The following MBOAT1 variants were observed in gnomAD, a reference collection of about 807,000 sequenced individuals.
The protein encoded by MBOAT1 is membrane bound glycerophospholipid O-acyltransferase 1.
MBOAT1 carries 67 observed loss-of-function variants against 64.4 expected under a neutral mutation model. That is an observed-to-expected ratio of 1.04 (90% confidence interval 0.85 to 1.27). The LOEUF (loss-of-function observed/expected upper bound fraction) is 1.27, where lower values mean the gene tolerates loss of function less well. Among genes scored for constraint, MBOAT1 ranks in the 50% most tolerant of loss-of-function variants. The pLI is 0.00. For missense variants in MBOAT1, 563 were observed against 604.6 expected, an observed-to-expected ratio of 0.93 and a Z score of 0.72; for synonymous variants, 229 against 218.9, an observed-to-expected ratio of 1.05 and a Z score of -0.41.
intron 1 of MBOAT1, among the ~76,000 whole-genome samples, chr6:20,204,088 G>A (rs542380168): frequency 2.0e-5 from 3 of 152,180 alleles, no homozygotes; most frequent in Admixed American, 1.3e-4. Flanking sequence ...CTTTGATAAT[G>A]ATCACTACCC....
At chr6:20,205,914 T>A (rs549606652) in intron 1 of MBOAT1, among the ~76,000 whole-genome samples, 48 of 152,214 alleles carry the variant, frequency 3.2e-4, no homozygotes, top group African/African-American at 1.1e-3. Context: ...CCACCCTACC[T>A]GCCCAGACCC....
At chr6:20,184,794 A>C (rs1000875260) in intron 1 of MBOAT1, among the ~76,000 whole-genome samples, 95 of 152,108 alleles carry the variant, frequency 6.2e-4, no homozygotes, top group African/African-American at 2.2e-3. Context: ...ACCCCTGAGC[A>C]CATACACATG....
chr6:20,102,232 ATCTCATC>A lies in MBOAT1; in HGVS notation c.*47_*53del. On this transcript the variant is annotated 3_prime_UTR_variant, in exon 13 of 13. Coordinates refer to ENST00000324607, the MANE Select transcript of MBOAT1 (RefSeq NM_001080480.3). ...CCGGAGGAGCCCTTGAAGCCTTGTC[ATCTCATC>A]TTTCGAACGTTCTGCAGTTTTGCTT... is the stretch of plus-strand genomic sequence containing the variant. 1 of 1,589,318 alleles carries A rather than the reference ATCTCATC, an allele frequency of 6.3e-7. No individual in the cohort carries two copies. The highest frequency in any genetic ancestry group is 8.6e-7 in the Non-Finnish European group (1 of 1,167,886).
intron 1 of MBOAT1, 107 bp downstream of exon 1, chr6:20,212,029 T>C: frequency 1.1e-6 from 1 of 902,660 alleles, no homozygotes; most frequent in Non-Finnish European, 1.7e-6. Flanking sequence ...AGTGTGTGGC[T>C]GTAAAATACG....
intron 3 of MBOAT1, among the ~76,000 whole-genome samples, chr6:20,145,439 T>C (rs1329030178): frequency 2.0e-5 from 3 of 152,148 alleles, no homozygotes; most frequent in African/African-American, 7.2e-5. Context: ...TTAACACCCA[T>C]CTCCCTGACC....
chr6:20,102,759 C>A (rs1581389458), intron 12 of MBOAT1, among the ~76,000 whole-genome samples: 1 of 152,318 alleles, frequency 6.6e-6, no homozygotes, highest in South Asian at 2.1e-4. Context: ...AGACCAAATT[C>A]AAACCCAATA....
At chr6:20,133,866 T>C (rs1016089456) in intron 4 of MBOAT1, among the ~76,000 whole-genome samples, 4 of 152,046 alleles carry the variant, frequency 2.6e-5, no homozygotes, top group Non-Finnish European at 5.9e-5. Context: ...GCTGTGGGAG[T>C]GAGCTGGCCC....
chr6:20,160,965 A>C (rs1036448994), intron 1 of MBOAT1, among the ~76,000 whole-genome samples: 6 of 152,028 alleles, frequency 3.9e-5, no homozygotes, highest in African/African-American at 1.4e-4. Context: ...TGCCCAAAAG[A>C]CCTCTAATTC....
chr6:20,199,157 G>T (rs1763048836), intron 1 of MBOAT1, among the ~76,000 whole-genome samples: 1 of 152,150 alleles, frequency 6.6e-6, no homozygotes, highest in Non-Finnish European at 1.5e-5. Context: ...GGCTGTGCTG[G>T]AGTCTCACAG....
intron 1 of MBOAT1, among the ~76,000 whole-genome samples, chr6:20,184,638 G>C (rs1248618484): frequency 1.3e-5 from 2 of 152,058 alleles, no homozygotes; most frequent in Non-Finnish European, 2.9e-5. Context: ...AAATCCAGCT[G>C]TGTCTGTCCC....
chr6:20,152,341 AAAAATAAAT>A, intron 2 of MBOAT1, among the ~76,000 whole-genome samples: 1 of 14,880 alleles, frequency 6.7e-5, no homozygotes, highest in African/African-American at 1.5e-4. Context: ...AAAAAAAATA[AAAAATAAAT>A]AAATAAATAA....
chr6:20,115,091 T>A (rs966520110), intron 10 of MBOAT1, among the ~76,000 whole-genome samples, 197 bp downstream of exon 10: 2 of 152,134 alleles, frequency 1.3e-5, no homozygotes, highest in African/African-American at 4.8e-5. Flanking sequence ...CATTCAGGGA[T>A]ATAAAATAAA....
At chr6:20,168,814 A>G (rs1581440226) in intron 1 of MBOAT1, among the ~76,000 whole-genome samples, 9 of 113,542 alleles carry the variant, frequency 7.9e-5, no homozygotes, top group Non-Finnish European at 1.1e-4. Flanking sequence ...AGGGGAGGGG[A>G]GGAAGGAAGA....
In MBOAT1 at chr6:20,212,399, C is replaced by T; in HGVS notation, c.-165G>A. The T allele has an allele frequency of 1.6e-6, 1 of 635,332 alleles. No homozygotes were observed. Among genetic ancestry groups the T allele is most frequent in the Non-Finnish European group, 2.7e-6 (1 of 374,384 alleles). The allele number at this position is 635,332 out of a possible 1,614,324, so 39.4% of individuals were successfully genotyped here. A position where few individuals can be genotyped will look rare whatever the true frequency, so the allele number is the denominator to read the frequency against. ...GGGAATGCGAACCGGCGCAAACTCT[C>T]GAGGCGCAAACTCTCGAGGCGCAAA... On this transcript the variant is annotated 5_prime_UTR_variant, in exon 1 of 13. Coordinates refer to ENST00000324607, the MANE Select transcript of MBOAT1 (RefSeq NM_001080480.3).
intron 7 of MBOAT1, among the ~76,000 whole-genome samples, chr6:20,125,206 A>T (rs1445523122): frequency 6.6e-6 from 1 of 152,218 alleles, no homozygotes; most frequent in Admixed American, 6.5e-5. Flanking sequence ...AGCTCCCCTG[A>T]CATTTCAAGG....
intron 1 of MBOAT1, among the ~76,000 whole-genome samples, chr6:20,175,804 A>C (rs557030292): frequency 1.3e-5 from 2 of 151,620 alleles, no homozygotes; most frequent in South Asian, 4.2e-4. Context: ...GGATCTCACT[A>C]AGTTTCGTAG....
chr6:20,178,939 T>G (rs1762430451), intron 1 of MBOAT1, among the ~76,000 whole-genome samples: 1 of 152,106 alleles, frequency 6.6e-6, no homozygotes, highest in African/African-American at 2.4e-5. Flanking sequence ...TGGGTTTTTT[T>G]TTTTCCAACT....
intron 6 of MBOAT1, 132 bp from the exon 7 acceptor site, chr6:20,126,832 A>G (rs2113652657): frequency 1.4e-6 from 1 of 726,622 alleles, no homozygotes; most frequent in East Asian, 2.8e-5. Flanking sequence ...TTTTGTTTCT[A>G]CAAAGTCAGC....
chr6:20,113,239 T>C (rs1760225629), intron 10 of MBOAT1, among the ~76,000 whole-genome samples: 1 of 152,236 alleles, frequency 6.6e-6, no homozygotes, highest in Non-Finnish European at 1.5e-5. Flanking sequence ...GGGGATGTTA[T>C]ACATTTTTAA....
Sources: allele counts gnomAD v4.1 joint callset (sites outside exome capture counted in the v4.1 genomes callset), GRCh38; gene constraint gnomAD v4.1.1; transcripts MANE v1.5; gene names NCBI Gene and HGNC (gene_info 2026-07-23, HGNC 2026-07-21).